Variants in LRRIQ1 observed in about 807,000 individuals in gnomAD.
LRRIQ1 encodes leucine-rich repeat- and IQ domain-containing protein 1.
Under a neutral mutation model 211.9 loss-of-function variants are expected in LRRIQ1, and 210 were observed. That is an observed-to-expected ratio of 0.99 (90% CI 0.89 to 1.11). The LOEUF (loss-of-function observed/expected upper bound fraction) is 1.11, where lower values mean the gene tolerates loss of function less well. Among genes scored for constraint, LRRIQ1 ranks in the 50% most tolerant of loss-of-function variants. The probability of loss-of-function intolerance (pLI) is 0.00; values close to 1 mark genes in which losing one functional copy is unlikely to be tolerated. For missense variants in LRRIQ1, 2,136 were observed against 1,939.5 expected (o/e 1.10, Z -1.90); for synonymous variants, 699 against 650.1 (o/e 1.08, Z -1.14).
chr12:85,200,657 AT>A (rs1198729309), intron 24 of LRRIQ1, among the ~76,000 whole-genome samples: 1 of 151,322 alleles, frequency 6.6e-6, no homozygotes, highest in Non-Finnish European at 1.5e-5. Context: ...CGTTGAAGGG[AT>A]GTTGGATTTT....
At chr12:85,128,122 C>A (rs1194270396) in intron 18 of LRRIQ1, 89 bp downstream of exon 18, 5 of 979,794 alleles carry the variant, frequency 5.1e-6, no homozygotes, top group African/African-American at 1.6e-5. Context: ...ACCTCCAAAT[C>A]TCAGTGATTA....
intron 11 of LRRIQ1, among the ~76,000 whole-genome samples, chr12:85,085,865 G>A (rs1267213734): frequency 6.6e-6 from 1 of 152,126 alleles, no homozygotes; most frequent in Non-Finnish European, 1.5e-5. Flanking sequence ...TTGATTCCAT[G>A]TCTTTGCTGT....
chr12:85,245,225 TAAG>T (rs993786121), downstream of LRRIQ1: 1 of 279,736 alleles, frequency 3.6e-6, no homozygotes, highest in Non-Finnish European at 6.3e-6. Flanking sequence ...AGACTAATTG[TAAG>T]ATGTTAGATT....
At chr12:85,111,530 C>G (rs868221409) in intron 15 of LRRIQ1, among the ~76,000 whole-genome samples, 1 of 152,130 alleles carries the variant, frequency 6.6e-6, no homozygotes, top group African/African-American at 2.4e-5. Flanking sequence ...CACTAACAGT[C>G]TGTGTGAAGG....
At position 85,121,774 on chromosome 12, in the gene LRRIQ1, C is replaced by T. The variant is rs930277763; in HGVS notation, c.3455C>T (p.Thr1152Ile). ...NILNSNSESR[T>I]EEHNQLGSAG... ...CTAAACTCTAATTCAGAAAGCCGCACTGAAGAACACAATCAACTGGGATCA... is the reference window on the plus strand; with the variant it reads ...CTAAACTCTAATTCAGAAAGCCGCATTGAAGAACACAATCAACTGGGATCA... The change falls in exon 16 of 27, where the codon ACT becomes ATT. Residue 1152 changes from threonine (T) to isoleucine (I), a missense_variant. Physicochemically the swap from Thr to Ile is moderately conservative, Grantham distance 89 (BLOSUM62 -1). Coordinates refer to ENST00000393217, the MANE Select transcript of LRRIQ1 (RefSeq NM_001079910.2). 1.2e-6 allele frequency: 2 copies of T among 1,610,104 alleles called. No individual in the cohort carries two copies. Among genetic ancestry groups the T allele is most frequent in the African/African-American group, 1.3e-5 (1 of 74,798 alleles).
At chr12:85,245,127 T>C (rs1895659956), downstream of LRRIQ1, 16 of 1,063,698 alleles carry the variant, frequency 1.5e-5, no homozygotes, top group Non-Finnish European at 1.7e-5. Flanking sequence ...TTTATTTTAA[T>C]TGTATTTGGG....
chr12:85,174,626 C>T (rs1395231968), intron 24 of LRRIQ1, among the ~76,000 whole-genome samples: 1 of 140,936 alleles, frequency 7.1e-6, no homozygotes, highest in Non-Finnish European at 1.5e-5. Context: ...CACTTGAACC[C>T]GAGAGGCAGA....
At chr12:85,136,497 A>G (rs752390600) in intron 18 of LRRIQ1, among the ~76,000 whole-genome samples, 8 of 151,938 alleles carry the variant, frequency 5.3e-5, no homozygotes, top group Non-Finnish European at 1.2e-4. Flanking sequence ...GTTAAAAACA[A>G]GGAAGCTGGG....
intron 15 of LRRIQ1, among the ~76,000 whole-genome samples, chr12:85,111,852 C>T (rs1887195137): frequency 6.6e-6 from 1 of 151,528 alleles, no homozygotes; most frequent in Admixed American, 6.6e-5. Context: ...TGGAAATAGC[C>T]CCAAATTATT....
intron 11 of LRRIQ1, among the ~76,000 whole-genome samples, chr12:85,097,389 A>C (rs1161872947): frequency 6.6e-6 from 1 of 151,960 alleles, no homozygotes; most frequent in Non-Finnish European, 1.5e-5. Context: ...CATTAGGTAT[A>C]TCTCCAGTGC....
At chr12:85,089,685 T>G (rs1439935521) in intron 11 of LRRIQ1, among the ~76,000 whole-genome samples, 2 of 152,248 alleles carry the variant, frequency 1.3e-5, no homozygotes, top group African/African-American at 4.8e-5. Flanking sequence ...AGACTTCGCC[T>G]GGCTGCTTCT....
intron 24 of LRRIQ1, among the ~76,000 whole-genome samples, chr12:85,168,043 A>G (rs1158116231): frequency 1.3e-5 from 2 of 152,218 alleles, no homozygotes; most frequent in African/African-American, 4.8e-5. Context: ...TTTTCTTAGT[A>G]CAAGTGTATA....
At chr12:85,240,494 C>T (rs2137251693) in intron 26 of LRRIQ1, among the ~76,000 whole-genome samples, 1 of 152,164 alleles carries the variant, frequency 6.6e-6, no homozygotes, top group African/African-American at 2.4e-5. Context: ...ATTATTCTTC[C>T]TTTGAGCATT....
chr12:85,073,455 A>G (rs569880901), intron 11 of LRRIQ1, among the ~76,000 whole-genome samples: 5 of 152,048 alleles, frequency 3.3e-5, no homozygotes, highest in Admixed American at 6.6e-5. Context: ...TGCATTGATA[A>G]TGTATGTTAC....
chr12:85,207,679 C>A (rs1893628748), intron 24 of LRRIQ1, among the ~76,000 whole-genome samples: 1 of 152,028 alleles, frequency 6.6e-6, no homozygotes, highest in Non-Finnish European at 1.5e-5. Flanking sequence ...GTCTATGATT[C>A]ATTTTGAGGT....
At chr12:85,194,990 A>T (rs1565896280) in intron 24 of LRRIQ1, among the ~76,000 whole-genome samples, 2 of 152,162 alleles carry the variant, frequency 1.3e-5, no homozygotes, top group South Asian at 4.1e-4. Flanking sequence ...GATAAAGGGG[A>T]TATCACCACC....
intron 11 of LRRIQ1, among the ~76,000 whole-genome samples, chr12:85,079,308 G>A (rs889227609): frequency 4.0e-5 from 5 of 126,324 alleles, no homozygotes; most frequent in East Asian, 2.7e-4. Flanking sequence ...TGCAAGCTCC[G>A]CCTCCCGGGT....
Position 85,232,750 on chromosome 12 carries a change from G to A in LRRIQ1, c.5010G>A (p.Gln1670=). Residue 1670 remains glutamine (Q), a synonymous_variant, in exon 26 of 27, where the codon CAG becomes CAA. Transcript: ENST00000393217. The stretch of plus-strand genomic sequence containing the variant: ...ATGTACTTAATGGTGGAAGAGTTCA[G>A]CTTGTGGTAAGAAATGTGCTTAAAG... ...DPDVLNGGRV[Q]LVARLVSRED... 6.2e-7 allele frequency: 1 copy of A among 1,612,094 alleles called. No homozygotes were observed. Among genetic ancestry groups the A allele is most frequent in the Non-Finnish European group, 8.5e-7 (1 of 1,178,630 alleles).
chr12:85,128,070 A>T (rs1477408567), intron 18 of LRRIQ1, 37 bp downstream of exon 18: 10 of 1,393,880 alleles, frequency 7.2e-6, no homozygotes, highest in Admixed American at 3.4e-5. Context: ...GTTACAAAAG[A>T]TATATTAGTT....
Sources: gnomAD v4.1 joint callset for allele counts (sites outside exome capture counted in the v4.1 genomes callset) on GRCh38, gnomAD v4.1.1 for gene constraint, MANE v1.5 for transcripts, NCBI Gene and HGNC (gene_info 2026-07-23, HGNC 2026-07-21) for gene names.